RANBP10: variants seen among roughly 807,000 people sequenced by gnomAD.
RANBP10 encodes the protein RAN binding protein 10.
RANBP10 carries 24 observed loss-of-function variants against 72.8 expected under a neutral mutation model. That is an observed-to-expected ratio of 0.33 (90% confidence interval 0.24 to 0.46). The LOEUF is 0.46. Ranked by LOEUF, RANBP10 falls within the 20% of genes least tolerant of loss-of-function variation. The probability of loss-of-function intolerance (pLI) is 1.00; values close to 1 mark genes in which losing one functional copy is unlikely to be tolerated. For synonymous variants in RANBP10, 310 were observed against 322.3 expected, an observed-to-expected ratio of 0.96 and a Z score of 0.41; for missense variants, 679 against 817.5, an observed-to-expected ratio of 0.83 and a Z score of 2.07.
intron 5 of RANBP10, among the ~76,000 whole-genome samples, chr16:67,736,914 C>T (rs1008829894): frequency 1.3e-5 from 2 of 152,176 alleles, no homozygotes; most frequent in African/African-American, 4.8e-5. Flanking sequence ...CCTGGGGCAT[C>T]ACTGGGGTGT....
At position 67,790,306 on chromosome 16, in the gene RANBP10, T is replaced by C. The variant is rs192632895; in HGVS notation, c.347+15122A>G. On this transcript the variant is annotated intron_variant, in intron 2 of 13. Transcript: ENST00000317506. ...AACAGGGACTAGGAGGAAGGAGAAA[T>C]GGAGAATTACTGCTTAATGGGTACA... 2.0e-5 allele frequency among the ~76,000 whole-genome samples: 3 copies of C among 151,164 alleles called. No individual in the cohort carries two copies. In the East Asian group the frequency reaches 5.8e-4, roughly 29 times the overall value.
intron 3 of RANBP10, among the ~76,000 whole-genome samples, chr16:67,769,709 G>GCAC (rs1170888931): frequency 1.7e-5 from 2 of 119,190 alleles, no homozygotes; most frequent in Admixed American, 2.4e-4. Flanking sequence ...TCTCGCCACT[G>GCAC]CACTCCAGCC....
At chr16:67,727,964 G>A in intron 11 of RANBP10, 68 bp from the exon 12 acceptor site, 1 of 1,564,192 alleles carries the variant, frequency 6.4e-7, no homozygotes, top group East Asian at 2.3e-5. Context: ...CTAGGGTGGG[G>A]CAGGAAGGAC....
At chr16:67,733,097 G>C (rs1049488487) in intron 6 of RANBP10, among the ~76,000 whole-genome samples, 14 of 151,532 alleles carry the variant, frequency 9.2e-5, no homozygotes, top group South Asian at 4.2e-4. Flanking sequence ...GCGTGTGGTG[G>C]CTCATGCCTG....
intron 3 of RANBP10, among the ~76,000 whole-genome samples, chr16:67,747,037 G>C (rs890375345): frequency 6.6e-6 from 1 of 152,076 alleles, no homozygotes; most frequent in African/African-American, 2.4e-5. Flanking sequence ...ATTTCTCTTG[G>C]GTAAATACTT....
intron 2 of RANBP10, among the ~76,000 whole-genome samples, chr16:67,788,519 A>G (rs1433014774): frequency 4.6e-5 from 7 of 151,586 alleles, no homozygotes; most frequent in African/African-American, 7.3e-5. Flanking sequence ...GGCCTCCCAA[A>G]GTGCTGGGAT....
At chr16:67,769,836 CAGA>C (rs1470439827) in intron 3 of RANBP10, among the ~76,000 whole-genome samples, 1 of 148,048 alleles carries the variant, frequency 6.8e-6, no homozygotes, top group Non-Finnish European at 1.5e-5. Context: ...GAGACTGAGG[CAGA>C]AGGACTGCTT....
chr16:67,765,402 T>C (rs933069128), intron 3 of RANBP10, among the ~76,000 whole-genome samples: 2 of 151,820 alleles, frequency 1.3e-5, no homozygotes, highest in Admixed American at 1.3e-4. Flanking sequence ...GGTGCGTGCT[T>C]GTAATCCCAG....
intron 3 of RANBP10, among the ~76,000 whole-genome samples, chr16:67,767,894 C>G (rs770287816): frequency 5.3e-5 from 8 of 151,958 alleles, no homozygotes; most frequent in African/African-American, 1.7e-4. Flanking sequence ...CCGCGCCCTG[C>G]CTCTACAAGA....
intron 3 of RANBP10, among the ~76,000 whole-genome samples, chr16:67,767,399 G>C (rs1223724272): frequency 1.4e-5 from 2 of 147,558 alleles, no homozygotes; most frequent in Non-Finnish European, 3.0e-5. Flanking sequence ...CAGGGCTGCA[G>C]TGAGCCGTGA....
intron 3 of RANBP10, among the ~76,000 whole-genome samples, chr16:67,745,120 G>A (rs1000402625): frequency 2.0e-5 from 3 of 151,580 alleles, no homozygotes; most frequent in African/African-American, 4.9e-5. Context: ...GTGAGCCACC[G>A]TGCCCAGCCG....
chr16:67,776,898 T>C (rs1273564018), intron 2 of RANBP10, among the ~76,000 whole-genome samples: 2 of 152,078 alleles, frequency 1.3e-5, no homozygotes, highest in African/African-American at 2.4e-5. Context: ...AACAATTCCA[T>C]TTCCAATAGC....
At chr16:67,801,526 G>A (rs1301905189) in intron 2 of RANBP10, among the ~76,000 whole-genome samples, 1 of 152,142 alleles carries the variant, frequency 6.6e-6, no homozygotes, top group Non-Finnish European at 1.5e-5. Context: ...TCACAAAATG[G>A]GAAGGTAGAT....
At chr16:67,802,506 C>T (rs1309667056) in intron 2 of RANBP10, among the ~76,000 whole-genome samples, 4 of 152,106 alleles carry the variant, frequency 2.6e-5, no homozygotes, top group African/African-American at 7.2e-5. Flanking sequence ...GGCGTGGTGG[C>T]GTATGCCTGT....
intron 3 of RANBP10, 73 bp from the exon 4 acceptor site, chr16:67,744,528 C>A: frequency 6.8e-7 from 1 of 1,460,598 alleles, no homozygotes. Context: ...AGAAGCCCAC[C>A]CAGGTCTCTC....
At chr16:67,737,928 C>T (rs2053886407) in intron 5 of RANBP10, 85 bp downstream of exon 5, 1 of 1,482,906 alleles carries the variant, frequency 6.7e-7, no homozygotes, top group Admixed American at 2.0e-5. Context: ...CCAGACTCCA[C>T]ACCCTGCACT....
chr16:67,789,566 T>C (rs1391887016), intron 2 of RANBP10, among the ~76,000 whole-genome samples: 1 of 151,398 alleles, frequency 6.6e-6, no homozygotes, highest in Non-Finnish European at 1.5e-5. Context: ...ACCTCCTGGA[T>C]TCAAGTGATT....
intron 4 of RANBP10, among the ~76,000 whole-genome samples, chr16:67,743,003 C>T (rs769336012): frequency 2.0e-5 from 3 of 152,158 alleles, no homozygotes; most frequent in African/African-American, 4.8e-5. Flanking sequence ...TAGCAGTGTC[C>T]GTGCTATGTT....
At position 67,806,321 on chromosome 16, in the gene RANBP10, G is replaced by A. The variant is rs2055437280; in HGVS notation, c.216C>T (p.Asn72=). 7 of 1,612,902 alleles carry A rather than the reference G, an allele frequency of 4.3e-6. No homozygotes were observed. Among genetic ancestry groups the A allele is most frequent in the Admixed American group, 1.7e-5 (1 of 59,810 alleles). The change falls in exon 1 of 14, where the codon AAC becomes AAT. Residue 72 remains asparagine (N), a synonymous_variant. Coordinates refer to ENST00000317506, the MANE Select transcript of RANBP10 (RefSeq NM_020850.3). ...CGATACCTTTGTAGTGGACGCGGAG[G>A]TTGCCCTGGGAGAGACCAATGTAGT... ...KYNYIGLSQG[N]LRVHYKGHGK...
Sources: gnomAD v4.1 joint callset for allele counts (sites outside exome capture counted in the v4.1 genomes callset) on GRCh38, gnomAD v4.1.1 for gene constraint, MANE v1.5 for transcripts, NCBI Gene and HGNC (gene_info 2026-07-23, HGNC 2026-07-21) for gene names.